TANC1: variants seen among roughly 807,000 people sequenced by gnomAD.
The protein encoded by TANC1 is protein TANC1.
TANC1 carries 77 observed loss-of-function variants against 149.7 expected under a neutral mutation model. The ratio of observed to expected loss-of-function variants is 0.51; its 90% CI spans 0.43 to 0.62. TANC1 has a LOEUF of 0.62. Ranked by LOEUF, TANC1 falls within the 20% of genes least tolerant of loss-of-function variation. The pLI, the probability that TANC1 is intolerant of heterozygous loss-of-function variation, is 0.00. For synonymous variants in TANC1, 854 were observed against 925.0 expected (o/e 0.92, Z 1.39); for missense variants, 1,985 against 2,321.8 (o/e 0.85, Z 2.98).
rs778025733 is a variant in TANC1, at chr2:159,149,380, AGTTCTGG to A, written c.495+110_495+116del. Reference sequence around the variant, plus strand: ...AGGGAAGCCATTGTTCAGTTAAATGAGTTCTGGGCTGTTGTGTATTGAAATTTATTTC... The same window carrying A: ...AGGGAAGCCATTGTTCAGTTAAATGAGCTGTTGTGTATTGAAATTTATTTC... On this transcript the variant is annotated intron_variant, in intron 6 of 26. Coordinates refer to ENST00000263635, the MANE Select transcript of TANC1 (RefSeq NM_033394.3). 6.7e-6 allele frequency: 10 copies of A among 1,498,792 alleles called. No homozygotes were observed. In the African/African-American group the frequency reaches 1.4e-4, roughly 21 times the overall value. The allele number at this position is 1,498,792 out of a possible 1,614,324, so 92.8% of individuals were successfully genotyped here.
At chr2:159,020,407 T>G (rs987577100) in intron 2 of TANC1, among the ~76,000 whole-genome samples, 2 of 152,206 alleles carry the variant, frequency 1.3e-5, no homozygotes, top group African/African-American at 4.8e-5. Context: ...ATTATAGGTG[T>G]GAGCCACTGC....
intron 16 of TANC1, among the ~76,000 whole-genome samples, chr2:159,191,956 A>G (rs1180905200): frequency 6.6e-6 from 1 of 152,194 alleles, no homozygotes; most frequent in African/African-American, 2.4e-5. Flanking sequence ...AGCCATTGAA[A>G]GAAACACACT....
rs1419263709 is a variant in TANC1 at position 159,150,524 on chromosome 2, C to T, written c.650C>T (p.Ser217Phe). 1 of 1,614,044 alleles carries T rather than the reference C, an allele frequency of 6.2e-7. No homozygotes were observed. ...TGTGAGACCATTAGCAGCCCTAGTT[C>T]CACCCTGGAAAGCAAGGACAGTGGA... ...SPCETISSPS[S>F]TLESKDSGII... Residue 217 changes from serine (S) to phenylalanine (F), a missense_variant, in exon 7 of 27, where the codon TCC becomes TTC. Ser to Phe is a radical substitution (Grantham distance 155). Around this residue, in one of 3 missense-constraint regions of TANC1, gnomAD observed 557 missense variants for 612.9 expected, o/e 0.91. Coordinates refer to ENST00000263635, the MANE Select transcript of TANC1 (RefSeq NM_033394.3).
chr2:159,069,830 G>A (rs1356200830), intron 3 of TANC1, among the ~76,000 whole-genome samples: 6 of 147,612 alleles, frequency 4.1e-5, no homozygotes, highest in African/African-American at 1.3e-4. Context: ...GTGCAGTGGC[G>A]TGATCTCGGC....
chr2:159,164,107 C>T (rs1212208506), intron 8 of TANC1, among the ~76,000 whole-genome samples: 1 of 152,052 alleles, frequency 6.6e-6, no homozygotes, highest in African/African-American at 2.4e-5. Context: ...AGATATGCAG[C>T]AGCTGGAACA....
At chr2:159,060,426 A>G (rs1334554671) in intron 2 of TANC1, among the ~76,000 whole-genome samples, 1 of 152,238 alleles carries the variant, frequency 6.6e-6, no homozygotes, top group Non-Finnish European at 1.5e-5. Context: ...TGTGGATATG[A>G]AGAGATATTG....
chr2:159,035,229 G>A (rs2040091765), intron 2 of TANC1, among the ~76,000 whole-genome samples: 2 of 152,070 alleles, frequency 1.3e-5, no homozygotes, highest in South Asian at 4.1e-4. Context: ...GGAGTCAGTG[G>A]GAAATTAGAT....
chr2:159,181,109 AG>A (rs2056422957), intron 14 of TANC1, among the ~76,000 whole-genome samples: 2 of 152,208 alleles, frequency 1.3e-5, no homozygotes, highest in African/African-American at 4.8e-5. Context: ...CTCTTTCTGT[AG>A]CATTTTAAAT....
In TANC1 at chr2:159,190,232, C is replaced by T. The variant is rs114285291; in HGVS notation, c.2742+3208C>T. On this transcript the variant is annotated intron_variant, in intron 16 of 26. Transcript: ENST00000263635. ...AGTTTGGGGGCTGGCTGAGAACTCA[C>T]ACCACTTAATCCTTCATTTTTTAGG... Among the ~76,000 whole-genome samples the T allele has an allele frequency of 4.9e-3, 744 of 152,324 alleles. 5 individuals carry two copies. The highest frequency in any genetic ancestry group is 0.017 in the African/African-American group (713 of 41,566).
chr2:159,189,247 CAGTTGGT>C (rs1214119855), intron 16 of TANC1, among the ~76,000 whole-genome samples: 2 of 152,188 alleles, frequency 1.3e-5, no homozygotes, highest in Non-Finnish European at 2.9e-5. Flanking sequence ...TTGGATGTGC[CAGTTGGT>C]GCTTGTTAAC....
chr2:159,196,515 G>C, intron 17 of TANC1, 93 bp from the exon 18 acceptor site: 11 of 1,068,738 alleles, frequency 1.0e-5, no homozygotes, highest in Non-Finnish European at 1.5e-5. Context: ...TACGCTTACA[G>C]GGAGTGGGGT....
chr2:158,998,907 AG>A (rs1013433650), intron 1 of TANC1, among the ~76,000 whole-genome samples: 6 of 152,186 alleles, frequency 3.9e-5, no homozygotes, highest in African/African-American at 1.4e-4. Flanking sequence ...GGTTTAGCTC[AG>A]GAAGGGGTAG....
rs2060224830 is a variant in TANC1 at position 159,229,553 on chromosome 2, T to C, written c.4152-25T>C. On this transcript the variant is annotated intron_variant, in intron 26 of 26. Transcript: ENST00000263635. Reference sequence around the variant, plus strand: ...GAGCATGTTCGTGTGTGGTTTGTAATGTTACCTTACATTTTCCTACAAAGG... The same window carrying C: ...GAGCATGTTCGTGTGTGGTTTGTAACGTTACCTTACATTTTCCTACAAAGG... The C allele has an allele frequency of 6.4e-6, 10 of 1,556,022 alleles. No individual in the cohort carries two copies. In the East Asian group the frequency reaches 1.8e-4, roughly 28 times the overall value.
chr2:159,031,099 A>G (rs1488303073), intron 2 of TANC1, among the ~76,000 whole-genome samples: 1 of 152,176 alleles, frequency 6.6e-6, no homozygotes, highest in East Asian at 1.9e-4. Context: ...AGAGGGTCTC[A>G]GGCTCCTTAT....
At chr2:159,047,188 T>TCCC (rs58004948) in intron 2 of TANC1, among the ~76,000 whole-genome samples, 1 of 143,054 alleles carries the variant, frequency 7.0e-6, no homozygotes, top group African/African-American at 2.6e-5. Context: ...TGAACTCATT[T>TCCC]CCCCCCCCCA....
At chr2:159,037,262 C>T (rs933973982) in intron 2 of TANC1, among the ~76,000 whole-genome samples, 4 of 152,092 alleles carry the variant, frequency 2.6e-5, no homozygotes, top group African/African-American at 9.7e-5. Context: ...TGGGTATTAG[C>T]TCTTTGTCAG....
chr2:158,970,168 A>G (rs1011580905), intron 1 of TANC1, among the ~76,000 whole-genome samples: 1 of 151,828 alleles, frequency 6.6e-6, no homozygotes, highest in African/African-American at 2.4e-5. Flanking sequence ...GGGAGAGGAA[A>G]GGAGAAACCT....
intron 4 of TANC1, among the ~76,000 whole-genome samples, chr2:159,127,959 C>T (rs972521685): frequency 6.6e-6 from 1 of 152,258 alleles, no homozygotes; most frequent in Admixed American, 6.5e-5. Flanking sequence ...TTAGGCGTTG[C>T]ACCAATGAAT....
chr2:159,229,975 C>G lies in TANC1; in HGVS notation c.4549C>G (p.Pro1517Ala). The G allele has an allele frequency of 6.2e-7, 1 of 1,614,052 alleles. No individual in the cohort carries two copies. Among genetic ancestry groups the G allele is most frequent in the Non-Finnish European group, 8.5e-7 (1 of 1,180,046 alleles). ...RAGIGKSLRE[P>A]VAQPGLLLQP... is the part of the protein sequence containing the mutation. ...AGGAATCGGCAAGTCCCTGAGAGAG[C>G]CTGTGGCCCAGCCAGGGCTGCTCCT... Residue 1517 changes from proline (P) to alanine (A), a missense_variant, in exon 27 of 27, where the codon CCT (proline) becomes GCT (alanine). Around this residue, in one of 3 missense-constraint regions of TANC1, gnomAD observed 920 missense variants for 994.7 expected, o/e 0.92. Coordinates refer to ENST00000263635, the MANE Select transcript of TANC1 (RefSeq NM_033394.3).
Sources: allele counts gnomAD v4.1 joint callset (sites outside exome capture counted in the v4.1 genomes callset), GRCh38; gene constraint gnomAD v4.1.1; regional missense constraint gnomAD v4.1.1; transcripts MANE v1.5; gene names NCBI Gene and HGNC (gene_info 2026-07-23, HGNC 2026-07-21).